Variants in ADAMTS2 observed in about 807,000 individuals in gnomAD.
The protein encoded by ADAMTS2 is ADAM metallopeptidase with thrombospondin type 1 motif 2.
A neutral mutation model predicts 123.0 loss-of-function variants in ADAMTS2; 50 were observed. That is an observed-to-expected ratio of 0.41 (90% confidence interval 0.32 to 0.51). ADAMTS2 has a LOEUF of 0.51. ADAMTS2 is among the 20% of genes least tolerant of loss of function. The pLI, the probability that ADAMTS2 is intolerant of heterozygous loss-of-function variation, is 0.35. For synonymous variants in ADAMTS2, 678 were observed against 695.4 expected (o/e 0.98, Z 0.39); for missense variants, 1,494 against 1,705.2 (o/e 0.88, Z 2.18).
intron 2 of ADAMTS2, among the ~76,000 whole-genome samples, chr5:179,321,831 G>A (rs900325355): frequency 1.3e-5 from 2 of 152,048 alleles, no homozygotes; most frequent in African/African-American, 2.4e-5. Context: ...CAAAAGCTGG[G>A]GAGTGCTTTT....
chr5:179,190,556 C>T (rs980282830), intron 4 of ADAMTS2, among the ~76,000 whole-genome samples: 17 of 152,264 alleles, frequency 1.1e-4, no homozygotes, highest in Middle Eastern at 3.4e-3. Flanking sequence ...GCTTGGTTGG[C>T]GAGTTTTTGG....
At position 179,122,717 on chromosome 5, in the gene ADAMTS2, C is replaced by T. The variant is rs1462683964; in HGVS notation, c.3015G>A (p.Ala1005=). 1.2e-5 allele frequency: 18 copies of T among 1,552,278 alleles called. No homozygotes were observed. Among genetic ancestry groups the T allele is most frequent in the Middle Eastern group, 1.7e-4 (1 of 5,988 alleles). Residue 1005 remains alanine (A), a synonymous_variant, in exon 20 of 22, where the codon GCG becomes GCA. Coordinates refer to ENST00000251582, the MANE Select transcript of ADAMTS2 (RefSeq NM_014244.5). ...TQERPVLCRT[A]DDSFGICQEE... ...CCTGGCAGATGCCGAAGCTGTCGTC[C>T]GCGGTGCGGCAGAGCACTGGCCGCT...
chr5:179,168,481 G>A (rs1417732935), intron 5 of ADAMTS2, among the ~76,000 whole-genome samples: 7 of 152,212 alleles, frequency 4.6e-5, no homozygotes, highest in Non-Finnish European at 2.9e-5. Context: ...GATGATCACA[G>A]CGCCTACTCC....
rs1765271301 is a variant in ADAMTS2, at chr5:179,225,905, G to A, written c.689-18190C>T. On this transcript the variant is annotated intron_variant, in intron 3 of 21. Transcript: ENST00000251582. The surrounding 1 kb of genome is among the most constrained non-coding windows in gnomAD (Gnocchi z 4.5). ...TTGCGACAAGGTAGAGGGTCTAACT[G>A]AGCTGGTTAACACAAGCCGCCTACA... Among the ~76,000 whole-genome samples the A allele has an allele frequency of 2.6e-5, 4 of 152,204 alleles. No individual in the cohort carries two copies.
intron 12 of ADAMTS2, among the ~76,000 whole-genome samples, chr5:179,136,840 T>G (rs575642571): frequency 4.0e-5 from 6 of 148,706 alleles, no homozygotes; most frequent in South Asian, 4.3e-4. Flanking sequence ...TGTGGTGGCG[T>G]GCGCCTGAAG....
intron 2 of ADAMTS2, among the ~76,000 whole-genome samples, chr5:179,288,433 G>C (rs1756089779): frequency 6.6e-6 from 1 of 152,236 alleles, no homozygotes; most frequent in African/African-American, 2.4e-5. Context: ...TTTATGGGAA[G>C]AGCCAGGGCT....
intron 2 of ADAMTS2, among the ~76,000 whole-genome samples, chr5:179,283,253 C>T (rs13153552): frequency 0.089 from 13,581 of 151,786 alleles, 655 homozygotes; most frequent in East Asian, 0.14. Context: ...AATATATAAA[C>T]TATTCATAAT....
intron 10 of ADAMTS2, among the ~76,000 whole-genome samples, chr5:179,140,974 ATTT>A (rs199790194): frequency 7.0e-6 from 1 of 143,056 alleles, no homozygotes; most frequent in Non-Finnish European, 1.5e-5. Flanking sequence ...TAATTTTTGC[ATTT>A]TTTTTTTTTT....
At chr5:179,207,475 T>TGCCCCCCCCCCCCCCCCCC in intron 4 of ADAMTS2, 38 bp downstream of exon 4, 5 of 588,618 alleles carry the variant, frequency 8.5e-6, no homozygotes, top group East Asian at 7.5e-5. Context: ...TGGTTGACCC[T>TGCCCCCCCCCCCCCCCCCC]CCCCGCCCCA....
At position 179,139,885 on chromosome 5, in the gene ADAMTS2, C is replaced by T; in HGVS notation, c.1775+5G>A. On this transcript the variant is annotated splice_donor_5th_base_variant and intron_variant, in intron 11 of 21. Coordinates refer to ENST00000251582, the MANE Select transcript of ADAMTS2 (RefSeq NM_014244.5). ...CAAGGCCAGGGGGACATGGGGCCAACTCACTGTGGGTTGTCACACTGGCGG... is the reference window on the plus strand; with the variant it reads ...CAAGGCCAGGGGGACATGGGGCCAATTCACTGTGGGTTGTCACACTGGCGG... 6.2e-7 allele frequency: 1 copy of T among 1,612,188 alleles called. No homozygotes were observed. Among genetic ancestry groups the T allele is most frequent in the Non-Finnish European group, 8.5e-7 (1 of 1,179,978 alleles).
intron 3 of ADAMTS2, among the ~76,000 whole-genome samples, chr5:179,246,913 C>T (rs530823522): frequency 6.6e-6 from 1 of 152,220 alleles, no homozygotes; most frequent in Admixed American, 6.5e-5. Flanking sequence ...ACAACAAGCC[C>T]TGGGAAGTGG....
rs148122564 is a variant in ADAMTS2 at position 179,197,613 on chromosome 5, T to C, written c.891+9900A>G. On this transcript the variant is annotated intron_variant, in intron 4 of 21. Transcript: ENST00000251582. This position sits in a 1 kb window ranked among gnomAD's most constrained non-coding sequence, Gnocchi z 4.2. ...CAGGCATGGTGGTGTGTGCCTGTAG[T>C]CCCAGCTGCTTGGGAGGCTGAAGTT... Among the ~76,000 whole-genome samples, 79 of 152,204 alleles carry C rather than the reference T, an allele frequency of 5.2e-4. No individual in the cohort carries two copies. Among genetic ancestry groups the C allele is most frequent in the African/African-American group, 1.8e-3 (74 of 41,526 alleles).
chr5:179,227,380 T>C (rs1765313994), intron 3 of ADAMTS2, among the ~76,000 whole-genome samples: 1 of 152,054 alleles, frequency 6.6e-6, no homozygotes, highest in African/African-American at 2.4e-5. Flanking sequence ...CAGCCTGGCC[T>C]GCTCCCTGAC....
intron 2 of ADAMTS2, among the ~76,000 whole-genome samples, chr5:179,294,827 T>C (rs1333029897): frequency 6.6e-6 from 1 of 152,218 alleles, no homozygotes; most frequent in Non-Finnish European, 1.5e-5. Flanking sequence ...TCATTGAGTC[T>C]CCAGTAGACT....
At chr5:179,240,951 G>T (rs1256346247) in intron 3 of ADAMTS2, among the ~76,000 whole-genome samples, 3 of 152,208 alleles carry the variant, frequency 2.0e-5, no homozygotes, top group African/African-American at 7.2e-5. Flanking sequence ...CAACGTTAAT[G>T]AGCTTGGCTT....
In ADAMTS2 at chr5:179,345,201, G is replaced by T. The variant is rs1377346029; in HGVS notation, c.128C>A (p.Ala43Asp). 2.7e-6 allele frequency: 3 copies of T among 1,102,430 alleles called. No homozygotes were observed. Among genetic ancestry groups the T allele is most frequent in the East Asian group, 5.9e-5 (1 of 16,972 alleles). The allele number at this position is 1,102,430 out of a possible 1,614,324, so 68.3% of individuals were successfully genotyped here. Residue 43 changes from alanine (A) to aspartate (D), a missense_variant, in exon 1 of 22, where the codon GCC (alanine) becomes GAC (aspartate). Transcript: ENST00000251582. The surrounding 1 kb of genome is among the most constrained non-coding windows in gnomAD (Gnocchi z 7.5). ...PPANARLAAAADPPGGPLGHG... is the reference protein window; with the variant it reads ...PPANARLAAADDPPGGPLGHG... ...CGGGCCGCACCTACCTGGGGGGTCG[G>T]CGGCGGCGGCGAGCCTGGCGTTCGC... is the stretch of plus-strand genomic sequence containing the variant.
At chr5:179,184,512 A>C in intron 4 of ADAMTS2, among the ~76,000 whole-genome samples, 1 of 121,494 alleles carries the variant, frequency 8.2e-6, no homozygotes, top group African/African-American at 2.6e-5. Flanking sequence ...CTCTGTCTAA[A>C]AAAAAAAAAA....
intron 2 of ADAMTS2, among the ~76,000 whole-genome samples, chr5:179,291,459 A>G (rs1418551689): frequency 6.6e-6 from 1 of 151,912 alleles, no homozygotes; most frequent in Non-Finnish European, 1.5e-5. Flanking sequence ...CAATGCCACG[A>G]CCCTTCCCGT....
intron 2 of ADAMTS2, among the ~76,000 whole-genome samples, chr5:179,322,231 A>C (rs141378048): frequency 0.012 from 1,822 of 152,348 alleles, 40 homozygotes; most frequent in African/African-American, 0.041. Flanking sequence ...GAGTCACCCC[A>C]GGACTGCCGG....
Sources: allele counts gnomAD v4.1 joint callset (sites outside exome capture counted in the v4.1 genomes callset), GRCh38; gene constraint gnomAD v4.1.1; non-coding constraint Gnocchi (gnomAD v3.1); transcripts MANE v1.5; gene names NCBI Gene and HGNC (gene_info 2026-07-23, HGNC 2026-07-21).